ST13: variants seen among roughly 807,000 people sequenced by gnomAD.
The protein encoded by ST13 is hsc70-interacting protein.
A neutral mutation model predicts 56.7 loss-of-function variants in ST13; 23 were observed. The observed-to-expected ratio is 0.41, with a 90% CI of 0.29 to 0.57. The LOEUF (loss-of-function observed/expected upper bound fraction) is 0.57, where lower values mean the gene tolerates loss of function less well. Among genes scored for constraint, ST13 ranks in the 20% least tolerant of loss-of-function variants. ST13 has a pLI of 0.36. For synonymous variants in ST13, 132 were observed against 142.4 expected, an observed-to-expected ratio of 0.93 and a Z score of 0.52; for missense variants, 369 against 459.9, an observed-to-expected ratio of 0.80 and a Z score of 1.81.
chr22:40,838,063 C>A, intron 5 of ST13, among the ~76,000 whole-genome samples: 1 of 152,106 alleles, frequency 6.6e-6, no homozygotes, highest in Admixed American at 6.5e-5. Context: ...AGTTGGTAAA[C>A]GTTTTCTGGA....
chr22:40,855,307 A>G (rs1482367988), intron 1 of ST13, among the ~76,000 whole-genome samples: 1 of 152,162 alleles, frequency 6.6e-6, no homozygotes. Context: ...AAATTAGCCA[A>G]GTATGGTGGC....
At chr22:40,846,048 T>C (rs952740183) in intron 3 of ST13, among the ~76,000 whole-genome samples, 8 of 152,192 alleles carry the variant, frequency 5.3e-5, no homozygotes, top group Non-Finnish European at 1.2e-4. Context: ...GCAATTGTCC[T>C]GCGTCAGTCT....
chr22:40,840,363 A>G (rs1176719356), intron 5 of ST13, among the ~76,000 whole-genome samples: 2 of 144,310 alleles, frequency 1.4e-5, no homozygotes, highest in East Asian at 2.0e-4. Flanking sequence ...AAAGCCTTTC[A>G]CCTCTTTAAA....
In ST13 at chr22:40,831,048, A is replaced by G. The variant is rs2057751576; in HGVS notation, c.682-92T>C. ...TTTGTAGAGAGATGTTTAATTCAACATGCAGTTCAGAAAAATGACAGATTT... is the reference window on the plus strand; with the variant it reads ...TTTGTAGAGAGATGTTTAATTCAACGTGCAGTTCAGAAAAATGACAGATTT... On this transcript the variant is annotated intron_variant, in intron 8 of 11. Transcript: ENST00000216218. The G allele has an allele frequency of 3.6e-6, 3 of 828,554 alleles. No individual in the cohort carries two copies. The Admixed American group carries it at 6.4e-5, about 18-fold the overall frequency. 51.3% of individuals were successfully genotyped at this position (828,554 alleles called of 1,614,324 possible).
intron 8 of ST13, 87 bp from the exon 9 acceptor site, chr22:40,831,043 T>C: frequency 1.2e-6 from 1 of 855,656 alleles, no homozygotes; most frequent in East Asian, 2.5e-5. Flanking sequence ...GATGTTTAAT[T>C]CAACATGCAG....
chr22:40,836,821 G>C (rs1250956803), intron 5 of ST13, among the ~76,000 whole-genome samples: 4 of 152,046 alleles, frequency 2.6e-5, no homozygotes, highest in Non-Finnish European at 5.9e-5. Context: ...CTAAATCTTG[G>C]GGAGGCAAGA....
At chr22:40,844,517 A>C (rs1401326558) in intron 4 of ST13, among the ~76,000 whole-genome samples, 2 of 152,196 alleles carry the variant, frequency 1.3e-5, no homozygotes, top group Admixed American at 1.3e-4. Flanking sequence ...CTGTTATGAC[A>C]AACCATTCTG....
chr22:40,832,729 T>G, intron 7 of ST13, 58 bp from the exon 8 acceptor site: 1 of 1,276,330 alleles, frequency 7.8e-7, no homozygotes, highest in East Asian at 2.3e-5. Context: ...CTATGTGGCA[T>G]GATATCTTTC....
chr22:40,834,731 A>T (rs1250678646), intron 7 of ST13, among the ~76,000 whole-genome samples: 1 of 152,246 alleles, frequency 6.6e-6, no homozygotes, highest in Non-Finnish European at 1.5e-5. Context: ...GCTGTCTTGT[A>T]TTAGAAGGCA....
chr22:40,829,833 CA>C (rs759113387), intron 9 of ST13, among the ~76,000 whole-genome samples, 159 bp from the exon 10 acceptor site: 12 of 152,122 alleles, frequency 7.9e-5, no homozygotes, highest in Admixed American at 5.2e-4. Flanking sequence ...ACATTTTTTC[CA>C]AACTGGATTC....
chr22:40,832,754 G>A, intron 7 of ST13, 83 bp from the exon 8 acceptor site: 1 of 1,085,288 alleles, frequency 9.2e-7, no homozygotes, highest in Non-Finnish European at 1.4e-6. Flanking sequence ...TTACAAAAAA[G>A]GATTGTTCTA....
chr22:40,829,815 C>G, intron 9 of ST13, 141 bp from the exon 10 acceptor site: 1 of 408,642 alleles, frequency 2.4e-6, no homozygotes, highest in Non-Finnish European at 4.4e-6. Context: ...ACTTCATACC[C>G]CCTTCAAACA....
At chr22:40,850,953 A>G (rs940385416) in intron 1 of ST13, 73 bp from the exon 2 acceptor site, 1 of 1,065,128 alleles carries the variant, frequency 9.4e-7, no homozygotes, top group Non-Finnish European at 1.4e-6. Flanking sequence ...ATTTACACCT[A>G]AAAAATAACG....
At chr22:40,856,315 G>T in intron 1 of ST13, 116 bp downstream of exon 1, 1 of 886,448 alleles carries the variant, frequency 1.1e-6, no homozygotes, top group Non-Finnish European at 1.8e-6. Flanking sequence ...TCCCTTTCCC[G>T]GGCAAAGAAG....
chr22:40,835,300 T>C (rs1474903253), intron 7 of ST13: 1 of 278,602 alleles, frequency 3.6e-6, no homozygotes, highest in Non-Finnish European at 6.9e-6. Context: ...CTGGTAAGAG[T>C]AGCTTTATTT....
intron 5 of ST13, among the ~76,000 whole-genome samples, chr22:40,839,508 C>A (rs1438438979): frequency 6.6e-6 from 1 of 151,780 alleles, no homozygotes; most frequent in Non-Finnish European, 1.5e-5. Flanking sequence ...TTCGCGTCTG[C>A]AATCCCAGCA....
intron 3 of ST13, among the ~76,000 whole-genome samples, chr22:40,847,610 T>C (rs993701885): frequency 1.3e-5 from 2 of 149,838 alleles, no homozygotes; most frequent in Admixed American, 6.6e-5. Context: ...AACTTTAATA[T>C]GTAACCCAAC....
chr22:40,839,374 A>G (rs2057791968), intron 5 of ST13, among the ~76,000 whole-genome samples: 1 of 152,182 alleles, frequency 6.6e-6, no homozygotes, highest in Admixed American at 6.5e-5. Context: ...ACACACTATC[A>G]CTGTTATAAA....
In ST13 at chr22:40,835,831, A is replaced by G; in HGVS notation, c.439T>C (p.Leu147=). 1 of 1,613,934 alleles carries G rather than the reference A, an allele frequency of 6.2e-7. No homozygotes were observed. Among genetic ancestry groups the G allele is most frequent in the Non-Finnish European group, 8.5e-7 (1 of 1,180,030 alleles). ...GCCCTCTTGGCATACAAAATGGCCA[A>G]GCGAGGATTCAGCTTGATGGCATCT... is the stretch of plus-strand genomic sequence containing the variant. ...FTDAIKLNPR[L]AILYAKRASV... Residue 147 remains leucine (L), a synonymous_variant, in exon 6 of 12, where the codon TTG becomes CTG. Transcript: ENST00000216218.
Sources: allele counts gnomAD v4.1 joint callset (sites outside exome capture counted in the v4.1 genomes callset), GRCh38; gene constraint gnomAD v4.1.1; transcripts MANE v1.5; gene names NCBI Gene and HGNC (gene_info 2026-07-23, HGNC 2026-07-21).